The following EDAR variants were observed in gnomAD, a reference collection of about 807,000 sequenced individuals.
EDAR encodes tumor necrosis factor receptor superfamily member EDAR.
EDAR carries 38 observed loss-of-function variants against 51.3 expected under a neutral mutation model. The ratio of observed to expected loss-of-function variants is 0.74; its 90% CI spans 0.57 to 0.97. The LOEUF is 0.97. Ranked by LOEUF, EDAR falls within the 50% of genes least tolerant of loss-of-function variation. EDAR has a pLI of 0.00. For missense variants in EDAR, 528 were observed against 595.0 expected (o/e 0.89, Z 1.17); for synonymous variants, 227 against 242.1 (o/e 0.94, Z 0.58).
intron 1 of EDAR, among the ~76,000 whole-genome samples, chr2:108,979,299 C>T (rs945707996): frequency 2.6e-5 from 4 of 152,134 alleles, no homozygotes; most frequent in Non-Finnish European, 5.9e-5. Context: ...GTCAGATTTG[C>T]CTCTTCCATT....
intron 1 of EDAR, among the ~76,000 whole-genome samples, chr2:108,934,914 G>A (rs924003747): frequency 6.6e-6 from 1 of 152,174 alleles, no homozygotes; most frequent in Non-Finnish European, 1.5e-5. Flanking sequence ...GGCAGACAAG[G>A]CTGCTGCTTA....
chr2:108,937,746 T>C (rs529572606), intron 1 of EDAR, among the ~76,000 whole-genome samples: 27 of 152,080 alleles, frequency 1.8e-4, no homozygotes, highest in African/African-American at 6.5e-4. Flanking sequence ...TATGAGTGTA[T>C]GCATATGAAT....
At chr2:108,939,402 G>A (rs1697545282) in intron 1 of EDAR, among the ~76,000 whole-genome samples, 1 of 152,200 alleles carries the variant, frequency 6.6e-6, no homozygotes, top group African/African-American at 2.4e-5. Flanking sequence ...GGCAAGGCTG[G>A]TCTTGAACTC....
intron 11 of EDAR, among the ~76,000 whole-genome samples, chr2:108,897,650 A>G (rs773758702): frequency 3.3e-5 from 5 of 152,154 alleles, no homozygotes; most frequent in Non-Finnish European, 5.9e-5. Context: ...CAACTTTGTG[A>G]TGGCTGCTCT....
intron 1 of EDAR, among the ~76,000 whole-genome samples, chr2:108,985,289 C>T (rs762322598): frequency 1.7e-4 from 26 of 152,300 alleles, no homozygotes; most frequent in South Asian, 2.1e-4. Flanking sequence ...CTAAGAGTAA[C>T]GTGACTGTGG....
chr2:108,930,603 C>T (rs1019378121), intron 2 of EDAR, among the ~76,000 whole-genome samples: 2 of 152,108 alleles, frequency 1.3e-5, no homozygotes, highest in Admixed American at 1.3e-4. Flanking sequence ...CTCAGAACAC[C>T]GGCGTGTCCA....
At chr2:108,915,412 G>T (rs1027288025) in intron 5 of EDAR, among the ~76,000 whole-genome samples, 1 of 152,208 alleles carries the variant, frequency 6.6e-6, no homozygotes, top group Non-Finnish European at 1.5e-5. Context: ...GAAACATTGG[G>T]CTTGGGAGGG....
At chr2:108,922,554 A>G (rs1697163943) in intron 5 of EDAR, among the ~76,000 whole-genome samples, 1 of 152,132 alleles carries the variant, frequency 6.6e-6, no homozygotes, top group South Asian at 2.1e-4. Context: ...CCAGCGTGAT[A>G]AGACGCAGGC....
In EDAR at chr2:108,906,610, C is replaced by T. The variant is rs531953781; in HGVS notation, c.964-242G>A. ...TTAGGCTCAGCTGGGTGGTCAGACT[C>T]GTAAGATACTTGGGGACACCCCTGG... On this transcript the variant is annotated intron_variant, in intron 10 of 11. Coordinates refer to ENST00000258443, the MANE Select transcript of EDAR (RefSeq NM_022336.4). 2.4e-4 allele frequency among the ~76,000 whole-genome samples: 36 copies of T among 152,310 alleles called. No homozygotes were observed. The South Asian group carries it at 5.2e-3, about 22-fold the overall frequency.
chr2:108,937,705 G>T (rs1426867078), intron 1 of EDAR, among the ~76,000 whole-genome samples: 1 of 149,418 alleles, frequency 6.7e-6, no homozygotes, highest in Non-Finnish European at 1.5e-5. Flanking sequence ...GTGTGTGAGT[G>T]TATGTGTGTG....
chr2:108,902,018 C>T (rs262085), intron 11 of EDAR, among the ~76,000 whole-genome samples: 142,849 of 152,124 alleles, frequency 0.94, 67,153 homozygotes, highest in East Asian at 1. Flanking sequence ...AGCAGGTGGA[C>T]CACAAGGTCA....
intron 1 of EDAR, among the ~76,000 whole-genome samples, chr2:108,943,768 C>A (rs1697656008): frequency 6.6e-6 from 1 of 152,096 alleles, no homozygotes; most frequent in Non-Finnish European, 1.5e-5. Context: ...GAGCACCCCT[C>A]CTTTCTCCAG....
chr2:108,936,353 C>T (rs897054939), intron 1 of EDAR, among the ~76,000 whole-genome samples: 6 of 152,260 alleles, frequency 3.9e-5, no homozygotes, highest in African/African-American at 1.2e-4. Context: ...GGGTTGACCG[C>T]ATCACGGACA....
intron 1 of EDAR, among the ~76,000 whole-genome samples, chr2:108,951,408 C>A (rs1160052733): frequency 6.6e-6 from 1 of 152,174 alleles, no homozygotes; most frequent in Non-Finnish European, 1.5e-5. Context: ...AGGAATTCGA[C>A]CAGAAAGGCC....
chr2:108,967,927 C>A (rs188585915), intron 1 of EDAR, among the ~76,000 whole-genome samples: 1 of 152,146 alleles, frequency 6.6e-6, no homozygotes, highest in Non-Finnish European at 1.5e-5. Flanking sequence ...CTGTCAAATC[C>A]GGCTTTGCGG....
At chr2:108,986,123 G>A (rs260679) in intron 1 of EDAR, among the ~76,000 whole-genome samples, 29,917 of 152,112 alleles carry the variant, frequency 0.2, 3,134 homozygotes, top group Middle Eastern at 0.27. Flanking sequence ...TCAGGGGCCA[G>A]TGGGCTGTTG....
chr2:108,988,134 C>T (rs190336310), intron 1 of EDAR, among the ~76,000 whole-genome samples: 5 of 152,318 alleles, frequency 3.3e-5, no homozygotes, highest in Non-Finnish European at 5.9e-5. Context: ...GCCCACTGAC[C>T]GGCATCTGCC....
chr2:108,920,953 A>T (rs763648749), intron 5 of EDAR, among the ~76,000 whole-genome samples: 5 of 152,148 alleles, frequency 3.3e-5, no homozygotes, highest in Admixed American at 6.5e-5. Flanking sequence ...CAGGCAGTGA[A>T]GTTCCAGAGC....
chr2:108,939,405 T>G (rs1294415229), intron 1 of EDAR, among the ~76,000 whole-genome samples: 1 of 152,218 alleles, frequency 6.6e-6, no homozygotes, highest in Non-Finnish European at 1.5e-5. Context: ...AAGGCTGGTC[T>G]TGAACTCCTG....
Sources: gnomAD v4.1 joint callset for allele counts (sites outside exome capture counted in the v4.1 genomes callset) on GRCh38, gnomAD v4.1.1 for gene constraint, MANE v1.5 for transcripts, NCBI Gene and HGNC (gene_info 2026-07-23, HGNC 2026-07-21) for gene names.